The following FHIT variants were observed in gnomAD, a reference collection of about 807,000 sequenced individuals.
FHIT encodes fragile histidine triad diadenosine triphosphatase, also known as bis(5'-adenosyl)-triphosphatase.
FHIT carries 19 observed loss-of-function variants against 17.9 expected under a neutral mutation model. That is an observed-to-expected ratio of 1.06 (90% CI 0.74 to 1.56). The LOEUF (loss-of-function observed/expected upper bound fraction) is 1.56, where lower values mean the gene tolerates loss of function less well. Ranked by LOEUF, FHIT falls within the 40% of genes most tolerant of loss-of-function variation. The pLI is 0.00. For synonymous variants in FHIT, 81 were observed against 69.7 expected, an observed-to-expected ratio of 1.16 and a Z score of -0.81; for missense variants, 248 against 189.2, an observed-to-expected ratio of 1.31 and a Z score of -1.82.
chr3:59,871,326 A>C (rs1201093418), intron 8 of FHIT, among the ~76,000 whole-genome samples: 2 of 152,114 alleles, frequency 1.3e-5, no homozygotes, highest in East Asian at 3.9e-4. Flanking sequence ...AGATAACCTG[A>C]ATTTTGCTGT....
intron 4 of FHIT, among the ~76,000 whole-genome samples, chr3:60,755,493 T>A (rs1374639929): frequency 6.6e-6 from 1 of 152,204 alleles, no homozygotes; most frequent in Admixed American, 6.5e-5. Flanking sequence ...ATTGGACCCA[T>A]GGAACCACTA....
chr3:60,522,117 T>TTG, intron 5 of FHIT, among the ~76,000 whole-genome samples: 1 of 150,994 alleles, frequency 6.6e-6, no homozygotes, highest in East Asian at 1.9e-4. Context: ...TTTTTTTTTT[T>TTG]TTTTTTTCTG....
chr3:61,239,532 T>G (rs770022703), intron 1 of FHIT, among the ~76,000 whole-genome samples: 2 of 152,020 alleles, frequency 1.3e-5, no homozygotes, highest in Non-Finnish European at 2.9e-5. Context: ...TCTCAATAGG[T>G]TACTCATCCC....
At chr3:59,950,990 C>A (rs1707087978) in intron 7 of FHIT, among the ~76,000 whole-genome samples, 1 of 152,182 alleles carries the variant, frequency 6.6e-6, no homozygotes, top group Non-Finnish European at 1.5e-5. Context: ...GGCATAGTAA[C>A]AACAATGGCA....
At chr3:60,071,348 T>C (rs1702761277) in intron 5 of FHIT, among the ~76,000 whole-genome samples, 1 of 152,258 alleles carries the variant, frequency 6.6e-6, no homozygotes, top group Non-Finnish European at 1.5e-5. Flanking sequence ...ATATTATTAA[T>C]TTCTTTTACT....
chr3:60,221,854 T>G (rs754519186), intron 5 of FHIT, among the ~76,000 whole-genome samples: 2 of 152,152 alleles, frequency 1.3e-5, no homozygotes, highest in African/African-American at 2.4e-5. Context: ...TCTCTATCGC[T>G]GTCCTATTTA....
At chr3:60,057,822 T>C (rs1702141919) in intron 5 of FHIT, among the ~76,000 whole-genome samples, 1 of 152,186 alleles carries the variant, frequency 6.6e-6, no homozygotes, top group Non-Finnish European at 1.5e-5. Context: ...TTATACATTA[T>C]TACATTTCTT....
At chr3:60,524,340 G>A (rs1011810760) in intron 5 of FHIT, among the ~76,000 whole-genome samples, 1 of 152,146 alleles carries the variant, frequency 6.6e-6, no homozygotes, top group African/African-American at 2.4e-5. Context: ...AGACTATTCT[G>A]TGACATTTGA....
chr3:60,156,320 A>T (rs1386318462), intron 5 of FHIT, among the ~76,000 whole-genome samples: 1 of 151,676 alleles, frequency 6.6e-6, no homozygotes, highest in Non-Finnish European at 1.5e-5. Flanking sequence ...ACTGCACTCC[A>T]GCCTGGGTGA....
chr3:60,854,519 T>A (rs1340092738), intron 3 of FHIT, among the ~76,000 whole-genome samples: 11 of 151,894 alleles, frequency 7.2e-5, no homozygotes, highest in Non-Finnish European at 1.6e-4. Context: ...ACTGAGCTGG[T>A]ATCTCATGGT....
chr3:60,276,228 C>T (rs1201474250), intron 5 of FHIT, among the ~76,000 whole-genome samples: 4 of 152,070 alleles, frequency 2.6e-5, no homozygotes, highest in African/African-American at 9.7e-5. Flanking sequence ...CCTCGTGATC[C>T]GCCTGCCTCG....
In FHIT at chr3:60,988,244, G is replaced by T. The variant is rs116237732; in HGVS notation, c.-111+53803C>A. Among the ~76,000 whole-genome samples the T allele has an allele frequency of 6.9e-3, 1,046 of 152,258 alleles. 14 individuals carry two copies. Among genetic ancestry groups the T allele is most frequent in the African/African-American group, 0.024 (1,005 of 41,552 alleles). On this transcript the variant is annotated intron_variant, in intron 3 of 9. Transcript: ENST00000492590. ...TACAACATAAGAGAAAAAATGTAATGTAATATTTTAACCATTTAGTTATAT... is the reference window on the plus strand; with the variant it reads ...TACAACATAAGAGAAAAAATGTAATTTAATATTTTAACCATTTAGTTATAT...
At chr3:60,073,214 T>G (rs1242377142) in intron 5 of FHIT, among the ~76,000 whole-genome samples, 1 of 152,202 alleles carries the variant, frequency 6.6e-6, no homozygotes, top group Non-Finnish European at 1.5e-5. Flanking sequence ...ATAAGGTCCC[T>G]TGAGCATATT....
intron 3 of FHIT, among the ~76,000 whole-genome samples, chr3:60,904,667 G>A (rs901360353): frequency 8.5e-5 from 13 of 152,082 alleles, no homozygotes; most frequent in African/African-American, 7.2e-5. Context: ...TTGGCCAGGC[G>A]CAGTGGCTCA....
chr3:60,324,679 G>T (rs999854362), intron 5 of FHIT, among the ~76,000 whole-genome samples: 1 of 151,930 alleles, frequency 6.6e-6, no homozygotes, highest in African/African-American at 2.4e-5. Flanking sequence ...ATGAACAAAA[G>T]GCAGAAAAAG....
chr3:60,111,851 C>G (rs1704685828), intron 5 of FHIT, among the ~76,000 whole-genome samples: 1 of 152,192 alleles, frequency 6.6e-6, no homozygotes, highest in Admixed American at 6.5e-5. Flanking sequence ...GGCATCTCCC[C>G]ATTGACATCT....
chr3:60,667,831 G>A (rs782381272), intron 4 of FHIT, among the ~76,000 whole-genome samples: 7 of 152,024 alleles, frequency 4.6e-5, no homozygotes, highest in Non-Finnish European at 8.8e-5. Context: ...AATTTTCACA[G>A]ACTTTGAGGT....
intron 3 of FHIT, among the ~76,000 whole-genome samples, chr3:61,013,028 C>A (rs1042803212): frequency 6.6e-6 from 1 of 151,860 alleles, no homozygotes; most frequent in African/African-American, 2.4e-5. Context: ...AGATTCCAAA[C>A]GGATATACTT....
intron 5 of FHIT, among the ~76,000 whole-genome samples, chr3:60,415,104 CCA>C (rs964380505): frequency 6.6e-6 from 1 of 152,014 alleles, no homozygotes; most frequent in African/African-American, 2.4e-5. Flanking sequence ...AGATTAAGGA[CCA>C]CAGTTTGAGA....
Sources: gnomAD v4.1 joint callset for allele counts (sites outside exome capture counted in the v4.1 genomes callset) on GRCh38, gnomAD v4.1.1 for gene constraint, MANE v1.5 for transcripts, NCBI Gene and HGNC (gene_info 2026-07-23, HGNC 2026-07-21) for gene names.